CYREN: variants seen among roughly 807,000 people sequenced by gnomAD.
The protein encoded by CYREN is cell cycle regulator of NHEJ.
CYREN carries 7 observed loss-of-function variants against 9.7 expected under a neutral mutation model. The ratio of observed to expected loss-of-function variants is 0.72; its 90% confidence interval spans 0.41 to 1.36. The LOEUF (loss-of-function observed/expected upper bound fraction) is 1.36, where lower values mean the gene tolerates loss of function less well. Among genes scored for constraint, CYREN ranks in the 40% most tolerant of loss-of-function variants. The pLI is 0.01. For missense variants in CYREN, 215 were observed against 198.1 expected (o/e 1.09, Z -0.51); for synonymous variants, 76 against 77.9 (o/e 0.98, Z 0.13).
intron 2 of CYREN, among the ~76,000 whole-genome samples, chr7:135,113,852 T>C (rs1197853931): frequency 6.6e-6 from 1 of 152,202 alleles, no homozygotes; most frequent in Non-Finnish European, 1.5e-5. Flanking sequence ...TCTACTTTTG[T>C]GTCTATGAAT....
intron 2 of CYREN, among the ~76,000 whole-genome samples, chr7:135,159,899 G>A (rs1458591911): frequency 6.6e-6 from 1 of 152,222 alleles, no homozygotes; most frequent in Non-Finnish European, 1.5e-5. Context: ...TACTGGGGAG[G>A]ATGGGATGAG....
At chr7:135,123,385 T>TG (rs1433296796) in intron 2 of CYREN, among the ~76,000 whole-genome samples, 4 of 152,062 alleles carry the variant, frequency 2.6e-5, no homozygotes, top group Non-Finnish European at 5.9e-5. Context: ...CCAAGAAATG[T>TG]GGGACTTCAT....
intron 2 of CYREN, among the ~76,000 whole-genome samples, chr7:135,149,493 T>C (rs536996601): frequency 1.3e-5 from 2 of 152,380 alleles, no homozygotes; most frequent in Admixed American, 6.5e-5. Flanking sequence ...TGAACATTCC[T>C]ATGTATAAAT....
At chr7:135,092,828 A>T (rs1822052895) in exon 3 of CYREN, 1 of 152,142 alleles carries the variant, frequency 6.6e-6, no homozygotes, top group Admixed American at 6.6e-5. Flanking sequence ...CAATGACCAA[A>T]TAGGATTTAT....
chr7:135,161,586 C>T (rs1394956610), downstream of CYREN, among the ~76,000 whole-genome samples: 4 of 152,176 alleles, frequency 2.6e-5, no homozygotes, highest in East Asian at 3.8e-4. The surrounding 1 kb of genome is among the most constrained non-coding windows in gnomAD (Gnocchi z 4.1). Flanking sequence ...CAAAACCATA[C>T]AAAATATGTT....
At chr7:135,109,338 C>T (rs180763588) in intron 2 of CYREN, among the ~76,000 whole-genome samples, 1 of 152,316 alleles carries the variant, frequency 6.6e-6, no homozygotes, top group Non-Finnish European at 1.5e-5. Context: ...TGACAACCCA[C>T]CTCTCCCACT....
At chr7:135,125,921 A>G (rs1006416664) in intron 2 of CYREN, among the ~76,000 whole-genome samples, 2 of 152,190 alleles carry the variant, frequency 1.3e-5, no homozygotes, top group African/African-American at 2.4e-5. Flanking sequence ...ATTTATGACA[A>G]TATATAGCCA....
At chr7:135,115,710 C>T in intron 2 of CYREN, 3 of 1,011,784 alleles carry the variant, frequency 3.0e-6, no homozygotes, top group Non-Finnish European at 4.2e-6. Context: ...AAAATCTGCT[C>T]TTGAAAATGA....
intron 2 of CYREN, among the ~76,000 whole-genome samples, chr7:135,152,119 A>G (rs1231452241): frequency 1.3e-5 from 2 of 152,236 alleles, no homozygotes; most frequent in Non-Finnish European, 2.9e-5. Context: ...TTTCCATAAC[A>G]TCTACAAAAT....
intron 2 of CYREN, among the ~76,000 whole-genome samples, chr7:135,131,926 C>G (rs10275822): frequency 0.49 from 73,733 of 151,902 alleles, 18,251 homozygotes; most frequent in South Asian, 0.66. Context: ...TGACAACTTA[C>G]AGAAAATGGA....
intron 2 of CYREN, among the ~76,000 whole-genome samples, chr7:135,119,119 T>C (rs1826749189): frequency 6.6e-6 from 1 of 151,970 alleles, no homozygotes; most frequent in Admixed American, 6.6e-5. Context: ...AAAGAAATAA[T>C]GGCTGAAAGG....
intron 2 of CYREN, among the ~76,000 whole-genome samples, chr7:135,126,979 C>T (rs1438027938): frequency 6.6e-6 from 1 of 152,178 alleles, no homozygotes; most frequent in Non-Finnish European, 1.5e-5. Context: ...CATGACAAAA[C>T]ACCAAAAGCA....
At chr7:135,098,664 C>G (rs150095245) in intron 2 of CYREN, among the ~76,000 whole-genome samples, 2 of 152,104 alleles carry the variant, frequency 1.3e-5, no homozygotes, top group African/African-American at 4.8e-5. Flanking sequence ...AAGGGAATTT[C>G]GCATTTAAGT....
chr7:135,096,887 C>G (rs148698786), intron 2 of CYREN, among the ~76,000 whole-genome samples: 1 of 151,810 alleles, frequency 6.6e-6, no homozygotes, highest in Non-Finnish European at 1.5e-5. Flanking sequence ...GAGCATATGA[C>G]AAAATATGCA....
At chr7:135,100,108 G>C (rs557692791) in intron 2 of CYREN, 1 of 150,786 alleles carries the variant, frequency 6.6e-6, no homozygotes, top group African/African-American at 2.4e-5. Context: ...GGATGGTCTC[G>C]ATCTCCCGAC....
At chr7:135,106,972 C>G (rs1824821558) in intron 2 of CYREN, among the ~76,000 whole-genome samples, 1 of 152,072 alleles carries the variant, frequency 6.6e-6, no homozygotes, top group African/African-American at 2.4e-5. Context: ...ATTTATCCAT[C>G]TCTTCTAGGT....
chr7:135,143,612 A>T (rs1829492037), intron 2 of CYREN, among the ~76,000 whole-genome samples: 1 of 152,154 alleles, frequency 6.6e-6, no homozygotes, highest in Admixed American at 6.5e-5. Flanking sequence ...TTTCCTGTGA[A>T]CCTAAAACCA....
chr7:135,129,133 C>A, intron 2 of CYREN: 1 of 1,516,642 alleles, frequency 6.6e-7, no homozygotes, highest in Non-Finnish European at 9.2e-7. Context: ...GAGTTATTTG[C>A]CTATTATGAC....
upstream of CYREN, among the ~76,000 whole-genome samples, chr7:135,172,256 C>T (rs1830690986): frequency 6.6e-6 from 1 of 152,190 alleles, no homozygotes; most frequent in African/African-American, 2.4e-5. Flanking sequence ...GCCTGATCAC[C>T]CACAGCATGC....
Sources: allele counts gnomAD v4.1 joint callset (sites outside exome capture counted in the v4.1 genomes callset), GRCh38; gene constraint gnomAD v4.1.1; non-coding constraint Gnocchi (gnomAD v3.1); transcripts MANE v1.5; gene names NCBI Gene and HGNC (gene_info 2026-07-23, HGNC 2026-07-21).